Variants in GPR158 observed in about 807,000 individuals in gnomAD.
The protein encoded by GPR158 is G protein-coupled receptor 158.
In GPR158, 30 loss-of-function variants were observed where a neutral mutation model predicts 78.2. That is an observed-to-expected ratio of 0.38 (90% CI 0.29 to 0.52). GPR158 has a LOEUF of 0.52. Ranked by LOEUF, GPR158 falls within the 20% of genes least tolerant of loss-of-function variation. GPR158 has a pLI of 0.83. For missense variants in GPR158, 1,463 were observed against 1,523.5 expected (o/e 0.96, Z 0.66); for synonymous variants, 581 against 591.1 (o/e 0.98, Z 0.25).
At chr10:25,328,489 TG>T (rs1855067406) in intron 2 of GPR158, among the ~76,000 whole-genome samples, 1 of 152,170 alleles carries the variant, frequency 6.6e-6, no homozygotes, top group Admixed American at 6.5e-5. Flanking sequence ...TGGTACCTAA[TG>T]TTTGTTTTGT....
intron 5 of GPR158, among the ~76,000 whole-genome samples, chr10:25,470,455 T>G (rs1244479178): frequency 6.6e-6 from 1 of 152,062 alleles, no homozygotes; most frequent in Non-Finnish European, 1.5e-5. Flanking sequence ...TGATCTTGCA[T>G]TTTTCAGCCT....
chr10:25,232,954 C>T (rs1488908691), intron 2 of GPR158, among the ~76,000 whole-genome samples: 1 of 151,950 alleles, frequency 6.6e-6, no homozygotes, highest in African/African-American at 2.4e-5. Flanking sequence ...AAGAGTAAGG[C>T]TGGAAATGGA....
chr10:25,515,130 A>C (rs1836145670), intron 5 of GPR158, among the ~76,000 whole-genome samples: 1 of 151,918 alleles, frequency 6.6e-6, no homozygotes, highest in Non-Finnish European at 1.5e-5. Flanking sequence ...CTTCCTTAGG[A>C]ACACCAATTA....
intron 2 of GPR158, among the ~76,000 whole-genome samples, chr10:25,285,066 T>TTGTGTGTG (rs149094801): frequency 0.089 from 13,239 of 149,064 alleles, 779 homozygotes; most frequent in East Asian, 0.24. Context: ...GTTCTATTCA[T>TTGTGTGTG]TGTGTGTGTG....
chr10:25,468,136 C>T (rs1835450565), intron 5 of GPR158, among the ~76,000 whole-genome samples: 1 of 152,136 alleles, frequency 6.6e-6, no homozygotes, highest in Non-Finnish European at 1.5e-5. Flanking sequence ...TACATTCTGA[C>T]AGGTTAACTG....
intron 8 of GPR158, among the ~76,000 whole-genome samples, chr10:25,590,918 A>T (rs1376581229): frequency 1.3e-5 from 2 of 152,162 alleles, no homozygotes; most frequent in African/African-American, 4.8e-5. Flanking sequence ...TTCAGTTTTC[A>T]TCATTAAATT....
chr10:25,521,142 C>A (rs1015131276), intron 5 of GPR158, among the ~76,000 whole-genome samples: 50 of 152,250 alleles, frequency 3.3e-4, no homozygotes, highest in African/African-American at 1.2e-3. Flanking sequence ...GTGCATCCGT[C>A]ACCCCTTTCT....
At chr10:25,332,730 C>A (rs1855144143) in intron 2 of GPR158, among the ~76,000 whole-genome samples, 1 of 152,150 alleles carries the variant, frequency 6.6e-6, no homozygotes, top group South Asian at 2.1e-4. Context: ...GATTTAACTT[C>A]AAAGAGAACA....
At chr10:25,442,970 CTT>C (rs1404424861) in intron 4 of GPR158, among the ~76,000 whole-genome samples, 1 of 152,140 alleles carries the variant, frequency 6.6e-6, no homozygotes, top group African/African-American at 2.4e-5. Flanking sequence ...CCTTTGATGA[CTT>C]TTCACTGCTA....
intron 4 of GPR158, among the ~76,000 whole-genome samples, chr10:25,441,907 T>G (rs1835073352): frequency 6.6e-6 from 1 of 152,204 alleles, no homozygotes; most frequent in South Asian, 2.1e-4. Context: ...GATGTGTTCC[T>G]TGAGGGCAGT....
At chr10:25,445,115 G>T (rs555482589) in intron 4 of GPR158, among the ~76,000 whole-genome samples, 1 of 152,240 alleles carries the variant, frequency 6.6e-6, no homozygotes, top group East Asian at 1.9e-4. Flanking sequence ...GTATTTTCTA[G>T]CAGCTTCAAG....
At chr10:25,467,360 A>G (rs1023121415) in intron 5 of GPR158, among the ~76,000 whole-genome samples, 4 of 152,204 alleles carry the variant, frequency 2.6e-5, no homozygotes, top group African/African-American at 9.6e-5. Context: ...CTAGCCACTC[A>G]GTATCTTCAG....
intron 5 of GPR158, among the ~76,000 whole-genome samples, chr10:25,514,177 T>C (rs1836128762): frequency 6.6e-6 from 1 of 152,164 alleles, no homozygotes. Context: ...TTTATAAATT[T>C]GGGAGCTCCA....
At chr10:25,462,387 A>T (rs1030497128) in intron 4 of GPR158, among the ~76,000 whole-genome samples, 1 of 152,208 alleles carries the variant, frequency 6.6e-6, no homozygotes, top group Non-Finnish European at 1.5e-5. Flanking sequence ...GGAGATATGC[A>T]AGGAGATTAA....
intron 2 of GPR158, among the ~76,000 whole-genome samples, chr10:25,394,400 T>C (rs1834341597): frequency 6.6e-6 from 1 of 152,246 alleles, no homozygotes; most frequent in Non-Finnish European, 1.5e-5. Flanking sequence ...TACTAGTGCT[T>C]CTCCTAAATA....
intron 6 of GPR158, among the ~76,000 whole-genome samples, chr10:25,571,856 A>G (rs982362300): frequency 2.0e-5 from 3 of 152,184 alleles, no homozygotes; most frequent in Admixed American, 6.5e-5. Flanking sequence ...CACATTTCCT[A>G]TAGGTCATCC....
At chr10:25,198,322 C>T (rs1485354573) in intron 1 of GPR158, among the ~76,000 whole-genome samples, 9 of 152,286 alleles carry the variant, frequency 5.9e-5, no homozygotes, top group Admixed American at 2.0e-4. Flanking sequence ...AGATGGAAGA[C>T]GTGAATACTA....
intron 3 of GPR158, among the ~76,000 whole-genome samples, chr10:25,411,006 G>A (rs1834576719): frequency 6.6e-6 from 1 of 151,852 alleles, no homozygotes; most frequent in African/African-American, 2.4e-5. Flanking sequence ...AAATTCCTCA[G>A]TTAATCAAAG....
intron 2 of GPR158, among the ~76,000 whole-genome samples, chr10:25,379,624 C>A (rs945877886): frequency 6.9e-6 from 1 of 144,834 alleles, no homozygotes; most frequent in Non-Finnish European, 1.5e-5. Flanking sequence ...ATTAAGAATT[C>A]AACAAATTTT....
Sources: gnomAD v4.1 joint callset for allele counts (sites outside exome capture counted in the v4.1 genomes callset) on GRCh38, gnomAD v4.1.1 for gene constraint, MANE v1.5 for transcripts, NCBI Gene and HGNC (gene_info 2026-07-23, HGNC 2026-07-21) for gene names.